DCAF1: variants seen among roughly 807,000 people sequenced by gnomAD.
DCAF1 encodes the protein DDB1- and CUL4-associated factor 1.
Under a neutral mutation model 128.0 loss-of-function variants are expected in DCAF1, and 15 were observed. The ratio of observed to expected loss-of-function variants is 0.12; its 90% CI spans 0.08 to 0.18. The LOEUF is 0.18. Ranked by LOEUF, DCAF1 falls within the 10% of genes least tolerant of loss-of-function variation. The pLI is 1.00. For missense variants in DCAF1, 988 were observed against 1,649.5 expected, an observed-to-expected ratio of 0.60 and a Z score of 6.95; for synonymous variants, 610 against 603.0, an observed-to-expected ratio of 1.01 and a Z score of -0.17.
At chr3:51,487,008 G>C (rs570228130) in intron 2 of DCAF1, among the ~76,000 whole-genome samples, 48 of 135,280 alleles carry the variant, frequency 3.5e-4, no homozygotes, top group Non-Finnish European at 6.8e-4. Context: ...ACACTCTGTC[G>C]CCAGGCTGGA....
At chr3:51,483,920 G>A (rs1393502732) in intron 2 of DCAF1, 84 bp from the exon 3 acceptor site, 9 of 893,430 alleles carry the variant, frequency 1.0e-5, no homozygotes, top group South Asian at 7.2e-5. Context: ...AGAAAAGGAC[G>A]AGAAGGCAAG....
intron 6 of DCAF1, among the ~76,000 whole-genome samples, chr3:51,460,529 A>G (rs1703429739): frequency 6.6e-6 from 1 of 152,164 alleles, no homozygotes. Context: ...CAAGCTACCA[A>G]TGACTTTCTT....
At chr3:51,417,629 A>G (rs1449416685) in intron 17 of DCAF1, among the ~76,000 whole-genome samples, 1 of 152,102 alleles carries the variant, frequency 6.6e-6, no homozygotes, top group Non-Finnish European at 1.5e-5. Context: ...CTAAGGCAGG[A>G]GAACGGTGTG....
At chr3:51,465,238 C>T (rs946220426) in intron 5 of DCAF1, among the ~76,000 whole-genome samples, 1 of 152,012 alleles carries the variant, frequency 6.6e-6, no homozygotes, top group African/African-American at 2.4e-5. Context: ...AGCTTGGAGG[C>T]GTAAAGGACA....
At chr3:51,409,469 C>G (rs1698203073) in intron 23 of DCAF1, among the ~76,000 whole-genome samples, 1 of 152,118 alleles carries the variant, frequency 6.6e-6, no homozygotes, top group South Asian at 2.1e-4. Context: ...AGAAGACTGC[C>G]GCCCACTGCC....
chr3:51,458,710 CTG>C lies in DCAF1; in HGVS notation c.375+4402_375+4403del, dbSNP rs1324742144. ...GTAAACGAACAGAAATTATAACAAA[CTG>C]TCTCTCAGACCACAGTGCAATCAAA... On this transcript the variant is annotated intron_variant, in intron 6 of 24. Coordinates refer to ENST00000684031, the MANE Select transcript of DCAF1 (RefSeq NM_001387579.1). 2.6e-5 allele frequency among the ~76,000 whole-genome samples: 4 copies of C among 152,156 alleles called. 1 individual carries two copies. The highest frequency in any genetic ancestry group is 2.0e-4 in the Admixed American group (3 of 15,252).
intron 6 of DCAF1, among the ~76,000 whole-genome samples, chr3:51,445,122 T>C (rs1395061456): frequency 6.6e-6 from 1 of 152,004 alleles, no homozygotes; most frequent in Non-Finnish European, 1.5e-5. Context: ...AAACATAAAA[T>C]AAAAATAAAT....
rs868918446 is a variant in DCAF1, at chr3:51,409,452, T to A, written c.4212+2927A>T. Among the ~76,000 whole-genome samples, 57 of 152,182 alleles carry A rather than the reference T, an allele frequency of 3.7e-4. 1 individual carries two copies. Among genetic ancestry groups the A allele is most frequent in the Middle Eastern group, 3.4e-3 (1 of 294 alleles). On this transcript the variant is annotated intron_variant, in intron 23 of 24. Transcript: ENST00000684031. ...GGCATCACATGGACCCAGGTGATGGTTCCCAGAGAAGACTGCCGCCCACTG... is the reference window on the plus strand; with the variant it reads ...GGCATCACATGGACCCAGGTGATGGATCCCAGAGAAGACTGCCGCCCACTG...
chr3:51,459,269 C>A (rs56382819), intron 6 of DCAF1, among the ~76,000 whole-genome samples: 2 of 152,180 alleles, frequency 1.3e-5, no homozygotes, highest in Non-Finnish European at 2.9e-5. Context: ...TCAGAGAATA[C>A]TATAAACACC....
chr3:51,483,672 T>C, intron 3 of DCAF1, 47 bp downstream of exon 3: 1 of 1,247,448 alleles, frequency 8.0e-7, no homozygotes, highest in Non-Finnish European at 1.2e-6. Context: ...GTATGAGTTG[T>C]GTCCGAGGTT....
chr3:51,505,313 A>G, the DCAF1 span, among the ~76,000 whole-genome samples: 5,811 of 152,180 alleles, frequency 0.038, 394 homozygotes, highest in African/African-American at 0.13. Context: ...TTTAAATTAA[A>G]AAAAGAGAGG....
chr3:51,462,564 G>A (rs782583273), intron 6 of DCAF1, among the ~76,000 whole-genome samples: 5 of 152,004 alleles, frequency 3.3e-5, no homozygotes, highest in Non-Finnish European at 7.4e-5. Flanking sequence ...TGACCAACAT[G>A]GTGAAATCCC....
chr3:51,418,418 T>C (rs1699093170), intron 16 of DCAF1, among the ~76,000 whole-genome samples: 1 of 152,068 alleles, frequency 6.6e-6, no homozygotes, highest in African/African-American at 2.4e-5. Context: ...GAATATTAAA[T>C]CCTACTGAAC....
At chr3:51,477,340 T>C (rs1353032861) in intron 3 of DCAF1, among the ~76,000 whole-genome samples, 2 of 149,624 alleles carry the variant, frequency 1.3e-5, no homozygotes, top group African/African-American at 4.9e-5. Flanking sequence ...CAAAAAACCC[T>C]AGAACTATTT....
chr3:51,453,263 AG>A (rs1702536427), intron 6 of DCAF1, among the ~76,000 whole-genome samples: 1 of 152,202 alleles, frequency 6.6e-6, no homozygotes, highest in African/African-American at 2.4e-5. Flanking sequence ...CTGCAATAAA[AG>A]TTAATATGAA....
chr3:51,406,325 A>T (rs2090104097), intron 23 of DCAF1, among the ~76,000 whole-genome samples: 2 of 137,120 alleles, frequency 1.5e-5, no homozygotes. Context: ...CCTGGACAAC[A>T]GAGCAAGACT....
At chr3:51,500,580 G>A (rs531645480), upstream of DCAF1, among the ~76,000 whole-genome samples, 11 of 151,966 alleles carry the variant, frequency 7.2e-5, no homozygotes, top group South Asian at 2.1e-4. Context: ...TCGCTCTGTT[G>A]CCCAGGCTGG....
intron 3 of DCAF1, among the ~76,000 whole-genome samples, chr3:51,481,424 G>C (rs879988374): frequency 6.6e-5 from 10 of 152,172 alleles, no homozygotes; most frequent in Non-Finnish European, 1.0e-4. Context: ...AGGCGCAATG[G>C]CTCACTCCTG....
chr3:51,463,787 C>A (rs534134872), intron 5 of DCAF1, among the ~76,000 whole-genome samples: 4 of 151,788 alleles, frequency 2.6e-5, no homozygotes, highest in Admixed American at 6.6e-5. Context: ...TCCAAAAAAA[C>A]AACAACAACA....
Sources: gnomAD v4.1 joint callset for allele counts (sites outside exome capture counted in the v4.1 genomes callset) on GRCh38, gnomAD v4.1.1 for gene constraint, MANE v1.5 for transcripts, NCBI Gene and HGNC (gene_info 2026-07-23, HGNC 2026-07-21) for gene names.